Variants in SENP7 observed in about 807,000 individuals in gnomAD.
SENP7 encodes SUMO specific peptidase 7, also known as sentrin-specific protease 7.
Under a neutral mutation model 141.2 loss-of-function variants are expected in SENP7, and 64 were observed. The observed-to-expected ratio is 0.45, with a 90% confidence interval of 0.37 to 0.56. The LOEUF is 0.56. Among genes scored for constraint, SENP7 ranks in the 20% least tolerant of loss-of-function variants. The pLI, the probability that SENP7 is intolerant of heterozygous loss-of-function variation, is 0.00. For synonymous variants in SENP7, 382 were observed against 426.4 expected (o/e 0.90, Z 1.28); for missense variants, 1,025 against 1,212.2 (o/e 0.85, Z 2.29).
At chr3:101,485,920 CAAT>C (rs1240584091) in intron 3 of SENP7, among the ~76,000 whole-genome samples, 1 of 151,902 alleles carries the variant, frequency 6.6e-6, no homozygotes, top group Admixed American at 6.6e-5. Flanking sequence ...AGAAAAAAAA[CAAT>C]AAAAAGTTCA....
exon 1 of SENP7, chr3:101,513,208 GAAAGGAAAAAA>G: frequency 7.6e-6 from 2 of 261,582 alleles, no homozygotes; most frequent in Admixed American, 7.5e-5. Flanking sequence ...AGGGGGAGGG[GAAAGGAAAAAA>G]AAAAAAAAAA....
At position 101,372,014 on chromosome 3, in the gene SENP7, G is replaced by C; in HGVS notation, c.790C>G (p.Pro264Ala). Residue 264 changes from proline (P) to alanine (A), a missense_variant, in exon 7 of 24, where the codon CCT (proline) becomes GCT (alanine). Around this residue, in one of 4 missense-constraint regions of SENP7, gnomAD observed 496 missense variants for 503.5 expected, o/e 0.99. Coordinates refer to ENST00000394095, the MANE Select transcript of SENP7 (RefSeq NM_020654.5). ...GISLLISDTQ[P>A]EDLNSGSRGC... ...TTTTCTAAGGTTCACAAACCTTCAG[G>C]CTGAGTATCAGATATTAAAAGAGAA... 1 of 1,475,856 alleles carries C rather than the reference G, an allele frequency of 6.8e-7. No individual in the cohort carries two copies. The highest frequency in any genetic ancestry group is 9.2e-7 in the Non-Finnish European group (1 of 1,087,864). 91.4% of individuals were successfully genotyped at this position (1,475,856 alleles called of 1,614,324 possible).
chr3:101,503,057 C>T (rs2065455119), intron 1 of SENP7, among the ~76,000 whole-genome samples: 1 of 151,946 alleles, frequency 6.6e-6, no homozygotes, highest in Non-Finnish European at 1.5e-5. Flanking sequence ...AGAACTCCTA[C>T]AAAGCAAAAG....
intron 4 of SENP7, chr3:101,457,730 C>T (rs1403926090): frequency 1.1e-6 from 1 of 926,180 alleles, no homozygotes; most frequent in Admixed American, 1.9e-5. Context: ...TTTCTTTCAT[C>T]CTATCAGAGC....
intron 4 of SENP7, among the ~76,000 whole-genome samples, chr3:101,430,748 C>T (rs1048723158): frequency 1.3e-5 from 2 of 152,090 alleles, no homozygotes; most frequent in Non-Finnish European, 2.9e-5. Context: ...TTTGCTCTTC[C>T]TTCTGTAGTT....
At chr3:101,335,875 T>C (rs1191141743) in intron 17 of SENP7, among the ~76,000 whole-genome samples, 2 of 152,192 alleles carry the variant, frequency 1.3e-5, no homozygotes, top group African/African-American at 4.8e-5. Context: ...ATTTTCAAAT[T>C]GCAGTTTTCT....
At chr3:101,436,995 A>G (rs2062415923) in intron 4 of SENP7, among the ~76,000 whole-genome samples, 1 of 152,254 alleles carries the variant, frequency 6.6e-6, no homozygotes, top group South Asian at 2.1e-4. Context: ...ATGAATGGAT[A>G]AATAAAATGT....
intron 13 of SENP7, 93 bp downstream of exon 13, chr3:101,347,778 TC>T (rs1213881337): frequency 8.5e-6 from 5 of 587,516 alleles, no homozygotes; most frequent in Non-Finnish European, 1.1e-5. Context: ...TAATTTCAAT[TC>T]ACTGAAATAA....
intron 4 of SENP7, chr3:101,457,388 A>C: frequency 6.8e-7 from 1 of 1,469,754 alleles, no homozygotes; most frequent in Non-Finnish European, 9.5e-7. Flanking sequence ...AACTGTTCAG[A>C]CTGTCTACAC....
At chr3:101,492,709 A>T (rs2065012812) in intron 3 of SENP7, among the ~76,000 whole-genome samples, 1 of 152,180 alleles carries the variant, frequency 6.6e-6, no homozygotes. Context: ...GGACTTCCAC[A>T]TTCCAAGGCC....
At chr3:101,394,518 T>A (rs1039818821) in intron 6 of SENP7, among the ~76,000 whole-genome samples, 36 of 149,284 alleles carry the variant, frequency 2.4e-4, no homozygotes, top group African/African-American at 8.5e-4. Flanking sequence ...TTTTAAAAAT[T>A]TTTTTTTTTT....
intron 5 of SENP7, among the ~76,000 whole-genome samples, chr3:101,403,509 T>G (rs1013989282): frequency 2.6e-5 from 4 of 152,046 alleles, no homozygotes; most frequent in Non-Finnish European, 5.9e-5. Flanking sequence ...TCTTTGGGGG[T>G]TTTTTGTCTG....
intron 6 of SENP7, among the ~76,000 whole-genome samples, chr3:101,385,260 G>A (rs1266833198): frequency 6.6e-6 from 1 of 152,064 alleles, no homozygotes; most frequent in Admixed American, 6.5e-5. Context: ...TTACACATAA[G>A]TAAATGAAGT....
chr3:101,422,801 C>T, intron 4 of SENP7, among the ~76,000 whole-genome samples: 1 of 151,694 alleles, frequency 6.6e-6, no homozygotes, highest in Non-Finnish European at 1.5e-5. Flanking sequence ...TGTAGGAAGA[C>T]CCAGCATAAT....
intron 3 of SENP7, among the ~76,000 whole-genome samples, chr3:101,461,581 C>T (rs2063548150): frequency 6.6e-6 from 1 of 150,810 alleles, no homozygotes; most frequent in Non-Finnish European, 1.5e-5. Flanking sequence ...GTAAATGGTA[C>T]AGGTACCGTA....
At chr3:101,332,174 A>C (rs2059074849) in intron 18 of SENP7, 65 bp from the exon 19 acceptor site, 2 of 1,455,714 alleles carry the variant, frequency 1.4e-6, no homozygotes, top group Non-Finnish European at 1.9e-6. Context: ...TATATTCTAG[A>C]GATACATCTG....
At chr3:101,450,901 T>C (rs547153360) in intron 4 of SENP7, among the ~76,000 whole-genome samples, 1 of 151,988 alleles carries the variant, frequency 6.6e-6, no homozygotes, top group East Asian at 1.9e-4. Flanking sequence ...CAAAAAACCC[T>C]TCAAAAAAAA....
In SENP7 at chr3:101,463,348, C is replaced by CATAAATAA. The variant is rs201605832; in HGVS notation, c.187-4304_187-4297dup. Among the ~76,000 whole-genome samples the CATAAATAA allele has an allele frequency of 1.4e-4, 13 of 91,726 alleles. No individual in the cohort carries two copies. The East Asian group carries it at 2.9e-3, about 21-fold the overall frequency. 60.2% of individuals were successfully genotyped at this position (91,726 alleles called of 152,430 possible). On this transcript the variant is annotated intron_variant, in intron 3 of 23. Transcript: ENST00000394095. ...TCGGTGACACAGCAAAACCATGTAT[C>CATAAATAA]ATAAATAAATAAATAAATATATATA...
At chr3:101,450,752 G>C (rs1424220788) in intron 4 of SENP7, among the ~76,000 whole-genome samples, 1 of 152,168 alleles carries the variant, frequency 6.6e-6, no homozygotes, top group Non-Finnish European at 1.5e-5. Flanking sequence ...ATGCTCACAA[G>C]AGAAAGCAGG....
Sources: allele counts gnomAD v4.1 joint callset (sites outside exome capture counted in the v4.1 genomes callset), GRCh38; gene constraint gnomAD v4.1.1; regional missense constraint gnomAD v4.1.1; transcripts MANE v1.5; gene names NCBI Gene and HGNC (gene_info 2026-07-23, HGNC 2026-07-21).